The following DCAF8L2 variants were observed in gnomAD, a reference collection of about 807,000 sequenced individuals.
DCAF8L2 encodes DDB1- and CUL4-associated factor 8-like protein 2.
For missense variants in DCAF8L2, 430 were observed against 490.7 expected (o/e 0.88, Z 1.17); for synonymous variants, 200 against 190.9 (o/e 1.05, Z -0.39).
At chrX:27,493,500 TAGG>T in the DCAF8L2 span, among the ~76,000 whole-genome samples, 3 of 109,159 alleles carry the variant, frequency 2.7e-5, no homozygotes, top group African/African-American at 1.0e-4. Context: ...CCCCTGAGGT[TAGG>T]AGTTCAAGAC....
At chrX:27,631,336 A>G (rs900136714) in intron 1 of DCAF8L2, among the ~76,000 whole-genome samples, 5 of 111,805 alleles carry the variant, frequency 4.5e-5, no homozygotes, top group Non-Finnish European at 9.4e-5. Flanking sequence ...AATCAGGAAG[A>G]AGACAAGGAT....
At chrX:27,517,926 A>G in the DCAF8L2 span, 1 of 1,194,083 alleles carries the variant, frequency 8.4e-7, no homozygotes, top group Non-Finnish European at 1.1e-6. Context: ...GATGGTGAAA[A>G]CAGTTGGTTT....
the DCAF8L2 span, among the ~76,000 whole-genome samples, chrX:27,493,856 C>A: frequency 9.0e-6 from 1 of 111,090 alleles, no homozygotes; most frequent in African/African-American, 3.3e-5. Context: ...GATTTTTCTG[C>A]AGTTTGTGGG....
At chrX:27,657,737 A>G (rs1929406128) in intron 2 of DCAF8L2, among the ~76,000 whole-genome samples, 1 of 112,314 alleles carries the variant, frequency 8.9e-6, no homozygotes, top group Admixed American at 9.5e-5. Flanking sequence ...CCATAGGCCA[A>G]TTAATGAATT....
At chrX:27,693,011 G>A (rs1930767604) in intron 3 of DCAF8L2, among the ~76,000 whole-genome samples, 1 of 111,903 alleles carries the variant, frequency 8.9e-6, no homozygotes, top group African/African-American at 3.2e-5. Flanking sequence ...TGCAATATAT[G>A]TGCCAGTGTA....
At chrX:27,736,769 C>T (rs1921544583) in intron 4 of DCAF8L2, among the ~76,000 whole-genome samples, 1 of 111,633 alleles carries the variant, frequency 9.0e-6, no homozygotes, top group Non-Finnish European at 1.9e-5. Context: ...GATTGGGGAA[C>T]TTGAGGGTGG....
chrX:27,540,771 C>A, the DCAF8L2 span, among the ~76,000 whole-genome samples: 1 of 111,785 alleles, frequency 8.9e-6, no homozygotes, highest in Non-Finnish European at 1.9e-5. Flanking sequence ...GATGGATATA[C>A]TAATTACCTT....
chrX:27,531,223 G>A, the DCAF8L2 span, among the ~76,000 whole-genome samples: 11 of 111,670 alleles, frequency 9.9e-5, no homozygotes, highest in African/African-American at 3.2e-4. Context: ...TTCAGAAGGC[G>A]AATGTGGAGC....
At chrX:27,472,285 C>T in the DCAF8L2 span, among the ~76,000 whole-genome samples, 1 of 111,880 alleles carries the variant, frequency 8.9e-6, no homozygotes, top group Non-Finnish European at 1.9e-5. Flanking sequence ...CCCTCTTTTT[C>T]TTCTTAATAG....
At chrX:27,499,362 G>T in the DCAF8L2 span, among the ~76,000 whole-genome samples, 1 of 111,970 alleles carries the variant, frequency 8.9e-6, no homozygotes, top group Non-Finnish European at 1.9e-5. Context: ...TTGGCCATTT[G>T]TATGTCTTCT....
intron 1 of DCAF8L2, among the ~76,000 whole-genome samples, chrX:27,614,331 A>T (rs1927348462): frequency 9.3e-6 from 1 of 107,261 alleles, no homozygotes; most frequent in African/African-American, 3.4e-5. Context: ...TGTCTATTTG[A>T]TTTTTCTCTC....
intron 2 of DCAF8L2, among the ~76,000 whole-genome samples, chrX:27,634,229 T>A (rs1361443799): frequency 8.9e-6 from 1 of 111,925 alleles, no homozygotes; most frequent in Non-Finnish European, 1.9e-5. Context: ...TTACTTGGGC[T>A]ACAGACATAA....
At chrX:27,600,242 A>G (rs1391585336) in intron 1 of DCAF8L2, among the ~76,000 whole-genome samples, 1 of 112,244 alleles carries the variant, frequency 8.9e-6, no homozygotes, top group African/African-American at 3.2e-5. Context: ...CAGTAAAACA[A>G]AATAAATTGA....
chrX:27,618,731 C>T (rs1927594337), intron 1 of DCAF8L2, among the ~76,000 whole-genome samples: 1 of 111,236 alleles, frequency 9.0e-6, no homozygotes, highest in Non-Finnish European at 1.9e-5. Context: ...GTGAAGTGAT[C>T]AACTTGAATA....
chrX:27,652,988 T>C lies in DCAF8L2; in HGVS notation c.-220+20988T>C, dbSNP rs16987955. Among the ~76,000 whole-genome samples, 820 of 112,325 alleles carry C rather than the reference T, an allele frequency of 7.3e-3. 2 individuals are homozygous for C. The highest frequency in any genetic ancestry group is 0.025 in the African/African-American group (763 of 30,961). On this transcript the variant is annotated intron_variant, in intron 2 of 4. Coordinates refer to ENST00000451261, the MANE Select transcript of DCAF8L2 (RefSeq NM_001353450.2). Reference sequence around the variant, plus strand: ...TGGCTAGAGAGTAAGACCATTTATATTCACTGCATTTTTCTTTTTATGTAG... The same window carrying C: ...TGGCTAGAGAGTAAGACCATTTATACTCACTGCATTTTTCTTTTTATGTAG...
At chrX:27,672,508 T>C (rs1416965068) in intron 2 of DCAF8L2, among the ~76,000 whole-genome samples, 5 of 111,909 alleles carry the variant, frequency 4.5e-5, no homozygotes, top group African/African-American at 1.6e-4. Flanking sequence ...TTTAAGAAAC[T>C]CCACCTTCAA....
chrX:27,685,530 C>T (rs764909497), intron 3 of DCAF8L2, among the ~76,000 whole-genome samples: 5 of 111,717 alleles, frequency 4.5e-5, no homozygotes, highest in Non-Finnish European at 9.4e-5. Context: ...TATTCGTAGT[C>T]AGAGGAATAA....
the DCAF8L2 span, among the ~76,000 whole-genome samples, chrX:27,573,640 A>G: frequency 2.7e-5 from 3 of 111,399 alleles, no homozygotes; most frequent in Non-Finnish European, 5.6e-5. Context: ...ATAGATTTTC[A>G]CCAACCCTTG....
chrX:27,683,207 T>C (rs760756654), intron 3 of DCAF8L2, among the ~76,000 whole-genome samples: 1 of 112,025 alleles, frequency 8.9e-6, no homozygotes, highest in Non-Finnish European at 1.9e-5. Context: ...TGGCTTTATC[T>C]GTGCTAATTT....
Sources: gnomAD v4.1 joint callset for allele counts (sites outside exome capture counted in the v4.1 genomes callset) on GRCh38, gnomAD v4.1.1 for gene constraint, MANE v1.5 for transcripts, NCBI Gene and HGNC (gene_info 2026-07-23, HGNC 2026-07-21) for gene names.